Variants in PPP3R1 observed in about 807,000 individuals in gnomAD.
PPP3R1 encodes calcineurin subunit B type 1.
PPP3R1 carries 5 observed loss-of-function variants against 22.6 expected under a neutral mutation model. That is an observed-to-expected ratio of 0.22 (90% CI 0.12 to 0.46). PPP3R1 has a LOEUF of 0.46. Among genes scored for constraint, PPP3R1 ranks in the 20% least tolerant of loss-of-function variants. The pLI is 0.99. For synonymous variants in PPP3R1, 56 were observed against 65.2 expected, an observed-to-expected ratio of 0.86 and a Z score of 0.68; for missense variants, 61 against 203.2, an observed-to-expected ratio of 0.30 and a Z score of 4.25.
intron 1 of PPP3R1, among the ~76,000 whole-genome samples, chr2:68,229,963 TATACACACATACACACACAC>T (rs1669857883): frequency 4.4e-5 from 3 of 68,284 alleles, no homozygotes; most frequent in African/African-American, 2.1e-4. Context: ...TGTGTGTATA[TATACACACATACACACACAC>T]ACACACACAC....
intron 1 of PPP3R1, among the ~76,000 whole-genome samples, chr2:68,242,785 G>C (rs970542031): frequency 6.6e-6 from 1 of 152,130 alleles, no homozygotes; most frequent in African/African-American, 2.4e-5. Context: ...ATTACACTCA[G>C]GAGGATATGA....
At chr2:68,184,923 C>T (rs1382636337) in intron 5 of PPP3R1, among the ~76,000 whole-genome samples, 1 of 152,076 alleles carries the variant, frequency 6.6e-6, no homozygotes, top group African/African-American at 2.4e-5. Flanking sequence ...CCCCTGTCTA[C>T]AAAAACTTAA....
chr2:68,198,295 A>G (rs62641636), intron 2 of PPP3R1, among the ~76,000 whole-genome samples: 36,063 of 127,556 alleles, frequency 0.28, 5,383 homozygotes, highest in South Asian at 0.49. Flanking sequence ...GTGTATACAC[A>G]TGTATACATG....
rs573471145 is a variant in PPP3R1 at position 68,225,205 on chromosome 2, T to C, written c.4-8074A>G. Among the ~76,000 whole-genome samples, 2 of 152,346 alleles carry C rather than the reference T, an allele frequency of 1.3e-5. 1 individual carries two copies. Among genetic ancestry groups the C allele is most frequent in the South Asian group, 4.1e-4 (2 of 4,832 alleles). On this transcript the variant is annotated intron_variant, in intron 1 of 5. Transcript: ENST00000234310. ...TGCAGAAGGATTTTGCACATGTAAT[T>C]AAGGTCCCAAATCAACCACCTCTGG...
intron 1 of PPP3R1, among the ~76,000 whole-genome samples, chr2:68,236,522 G>C (rs1218194197): frequency 6.6e-6 from 1 of 152,172 alleles, no homozygotes; most frequent in Non-Finnish European, 1.5e-5. Flanking sequence ...CAGAGAGGAA[G>C]TAGAATTTTG....
Position 68,178,995 on chromosome 2 carries a change from T to TAAAAAAAAAAAAAA in PPP3R1, c.*1954_*1967dup, listed in dbSNP as rs560363918. 2 of 93,730 alleles carry TAAAAAAAAAAAAAA rather than the reference T, an allele frequency of 2.1e-5. No homozygotes were observed. The highest frequency in any genetic ancestry group is 4.1e-5 in the Non-Finnish European group (2 of 48,804). The allele number at this position is 93,730 out of a possible 1,614,324, so 5.8% of individuals were successfully genotyped here. ...CCCTTACCCACCCCCACACACAAACTAAAAAAAAAAAAAAAAAAAAAGAAA... is the reference window on the plus strand; with the variant it reads ...CCCTTACCCACCCCCACACACAAACTAAAAAAAAAAAAAAAAAAAAAAAAAAAAAAAAAAAGAAA... On this transcript the variant is annotated 3_prime_UTR_variant, in exon 6 of 6. Transcript: ENST00000234310.
chr2:68,228,480 T>C (rs148901066), intron 1 of PPP3R1, among the ~76,000 whole-genome samples: 3 of 152,320 alleles, frequency 2.0e-5, no homozygotes, highest in Admixed American at 6.5e-5. Context: ...AAATTGGTCA[T>C]AGTAACCCCT....
chr2:68,227,537 C>A (rs2103786288), intron 1 of PPP3R1, among the ~76,000 whole-genome samples: 1 of 151,564 alleles, frequency 6.6e-6, no homozygotes, highest in South Asian at 2.1e-4. Context: ...AAAAACCAAT[C>A]ATACCTATGA....
chr2:68,232,271 A>G lies in PPP3R1; in HGVS notation c.4-15140T>C, dbSNP rs865811869. On this transcript the variant is annotated intron_variant, in intron 1 of 5. Coordinates refer to ENST00000234310, the MANE Select transcript of PPP3R1 (RefSeq NM_000945.4). ...TGTGTGTGTGTGTGTGTGTGTATAT[A>G]TATATACACACACACAAAAATTAGC... 1.5e-3 allele frequency among the ~76,000 whole-genome samples: 176 copies of G among 118,640 alleles called. 1 individual carries two copies. The highest frequency in any genetic ancestry group is 8.6e-3 in the African/African-American group (171 of 19,918). 77.8% of individuals were successfully genotyped at this position (118,640 alleles called of 152,430 possible).
chr2:68,182,090 AC>A (rs1674422996), intron 5 of PPP3R1, among the ~76,000 whole-genome samples: 1 of 46,670 alleles, frequency 2.1e-5, no homozygotes, highest in Admixed American at 2.6e-4. Flanking sequence ...TCCCCCCACC[AC>A]ACACACACGA....
intron 1 of PPP3R1, among the ~76,000 whole-genome samples, chr2:68,230,513 C>T (rs543767849): frequency 3.0e-4 from 45 of 152,376 alleles, no homozygotes; most frequent in African/African-American, 8.9e-4. Context: ...CCTTTAGAAC[C>T]ACATCAGTAT....
rs1262999527 is a variant in PPP3R1 at position 68,179,205 on chromosome 2, A to G, written c.*1758T>C. 6.5e-6 allele frequency: 1 copy of G among 152,674 alleles called. No individual in the cohort carries two copies. The allele number at this position is 152,674 out of a possible 1,614,324, so 9.5% of individuals were successfully genotyped here. A position where few individuals can be genotyped will look rare whatever the true frequency, so the allele number is the denominator to read the frequency against. ...TGAAGCAGAGCACATGGCAGTTGAC[A>G]CTGGAACAGTTCAAACCACTGGCTG... On this transcript the variant is annotated 3_prime_UTR_variant, in exon 6 of 6. Transcript: ENST00000234310.
chr2:68,232,212 T>TATATACATATTATATACAATATGTATATA (rs371067076), intron 1 of PPP3R1, among the ~76,000 whole-genome samples: 18 of 93,868 alleles, frequency 1.9e-4, no homozygotes, highest in African/African-American at 6.9e-4. Context: ...ATACATATTG[T>TATATACATATTATATACAATATGTATATA]ATATGTATAT....
intron 2 of PPP3R1, among the ~76,000 whole-genome samples, chr2:68,208,332 C>T (rs996764946): frequency 1.3e-5 from 2 of 152,182 alleles, no homozygotes; most frequent in African/African-American, 4.8e-5. Flanking sequence ...CAAGAGGGTT[C>T]AGTAAGCTTT....
chr2:68,209,331 C>G (rs1329400484), intron 2 of PPP3R1, among the ~76,000 whole-genome samples: 3 of 120,996 alleles, frequency 2.5e-5, no homozygotes, highest in Non-Finnish European at 3.3e-5. Context: ...TGCACTCCAG[C>G]CTGGGCGACA....
intron 3 of PPP3R1, among the ~76,000 whole-genome samples, chr2:68,188,118 C>T (rs908670041): frequency 5.3e-5 from 8 of 151,984 alleles, no homozygotes; most frequent in Non-Finnish European, 1.5e-5. Context: ...TGCAGTGAGC[C>T]GAGATTATAC....
At chr2:68,226,025 C>T (rs560318712) in intron 1 of PPP3R1, among the ~76,000 whole-genome samples, 2 of 152,258 alleles carry the variant, frequency 1.3e-5, no homozygotes, top group East Asian at 3.9e-4. Flanking sequence ...TACTAATACA[C>T]CCAATAACAT....
chr2:68,244,937 T>A (rs1228378288), intron 1 of PPP3R1, among the ~76,000 whole-genome samples: 1 of 152,256 alleles, frequency 6.6e-6, no homozygotes, highest in East Asian at 1.9e-4. Context: ...TACTTTCCCC[T>A]GCAATCTTAT....
At chr2:68,190,255 T>TAA (rs34117344) in intron 2 of PPP3R1, among the ~76,000 whole-genome samples, 1 of 25,148 alleles carries the variant, frequency 4.0e-5, no homozygotes, top group South Asian at 1.9e-3. Context: ...AAGTTTCTCT[T>TAA]AAAAAAAAAA....
Sources: allele counts gnomAD v4.1 joint callset (sites outside exome capture counted in the v4.1 genomes callset), GRCh38; gene constraint gnomAD v4.1.1; transcripts MANE v1.5; gene names NCBI Gene and HGNC (gene_info 2026-07-23, HGNC 2026-07-21).